The following DYNC2H1 variants were observed in gnomAD, a reference collection of about 807,000 sequenced individuals.
DYNC2H1 encodes cytoplasmic dynein 2 heavy chain 1.
DYNC2H1 carries 410 observed loss-of-function variants against 570.0 expected under a neutral mutation model. That is an observed-to-expected ratio of 0.72 (90% CI 0.66 to 0.78). The LOEUF is 0.78. DYNC2H1 is among the 30% of genes least tolerant of loss of function. The probability of loss-of-function intolerance (pLI) is 0.00; values close to 1 mark genes in which losing one functional copy is unlikely to be tolerated. For synonymous variants in DYNC2H1, 1,688 were observed against 1,677.6 expected, an observed-to-expected ratio of 1.01 and a Z score of -0.15; for missense variants, 4,865 against 5,046.4, an observed-to-expected ratio of 0.96 and a Z score of 1.09.
In DYNC2H1 at chr11:103,311,879, C is replaced by T; in HGVS notation, c.11495C>T (p.Ser3832Leu). ...LQSSLKITYESPPGLKKNLMR... is the reference protein window; with the variant it reads ...LQSSLKITYELPPGLKKNLMR... ...GATGTCTGTTGATTTTTTTTCTAGTCACCTCCAGGTTTAAAGAAGAATTTA... is the reference window on the plus strand; with the variant it reads ...GATGTCTGTTGATTTTTTTTCTAGTTACCTCCAGGTTTAAAGAAGAATTTA... Residue 3832 changes from serine (S) to leucine (L), a missense_variant and splice_region_variant, in exon 79 of 89, where the codon TCA (serine) becomes TTA (leucine). Coordinates refer to ENST00000375735, the MANE Select transcript of DYNC2H1 (RefSeq NM_001377.3). 6.3e-7 allele frequency: 1 copy of T among 1,597,998 alleles called. No homozygotes were observed. Among genetic ancestry groups the T allele is most frequent in the Non-Finnish European group, 8.5e-7 (1 of 1,173,910 alleles).
chr11:103,176,304 G>A lies in DYNC2H1; in HGVS notation c.5744G>A (p.Cys1915Tyr). Reference sequence around the variant, plus strand: ...ATGTCAAAGTTTACGTTTACTGATTGCACCCGGTTTGATGCACTGATAAAA... The same window carrying A: ...ATGTCAAAGTTTACGTTTACTGATTACACCCGGTTTGATGCACTGATAAAA... ...NTMSKFTFTD[C>Y]TRFDALIKDV... The change falls in exon 37 of 89, where the codon TGC becomes TAC. Residue 1915 changes from cysteine to tyrosine, a missense_variant. Physicochemically the swap from Cys to Tyr is radical, Grantham distance 194 (BLOSUM62 -2). Around this residue, in one of 5 missense-constraint regions of DYNC2H1, gnomAD observed 292 missense variants for 300.2 expected, o/e 0.97. Coordinates refer to ENST00000375735, the MANE Select transcript of DYNC2H1 (RefSeq NM_001377.3). The A allele has an allele frequency of 6.4e-7, 1 of 1,553,154 alleles. No homozygotes were observed. Among genetic ancestry groups the A allele is most frequent in the Non-Finnish European group, 8.7e-7 (1 of 1,148,438 alleles).
intron 77 of DYNC2H1, 46 bp downstream of exon 77, chr11:103,304,766 A>C (rs776648070): frequency 1.3e-6 from 2 of 1,571,278 alleles, no homozygotes; most frequent in Non-Finnish European, 1.7e-6. Context: ...TACTCAACTT[A>C]GCAATCTCCA....
At chr11:103,168,629 C>T in intron 31 of DYNC2H1, 126 bp from the exon 32 acceptor site, 1 of 969,972 alleles carries the variant, frequency 1.0e-6, no homozygotes, top group South Asian at 1.6e-5. Context: ...TATTACTATA[C>T]CATTCATATG....
At chr11:103,232,000 A>G (rs993008446) in intron 60 of DYNC2H1, among the ~76,000 whole-genome samples, 5 of 152,028 alleles carry the variant, frequency 3.3e-5, no homozygotes, top group African/African-American at 1.2e-4. Context: ...CAGTGTTTTC[A>G]ATATTCCTGA....
At position 103,211,897 on chromosome 11, in the gene DYNC2H1, G is replaced by A. The variant is rs543409184; in HGVS notation, c.8648G>A (p.Ser2883Asn). 2 of 1,534,834 alleles carry A rather than the reference G, an allele frequency of 1.3e-6. No individual in the cohort carries two copies. Among genetic ancestry groups the A allele is most frequent in the South Asian group, 1.3e-5 (1 of 78,724 alleles). ...MTFLHVYSAI[S>N]SSKKKELLKR... ...TTTTTACATGTGTATTCTGCCATTA[G>A]TAGTAGCAAGAAAAAGGAATTATTA... is the stretch of plus-strand genomic sequence containing the variant. The change falls in exon 54 of 89, where the codon AGT (serine) becomes AAT (asparagine). Residue 2883 changes from serine (S) to asparagine (N), a missense_variant. Physicochemically the swap from Ser to Asn is conservative, Grantham distance 46. This residue lies in a region of DYNC2H1 where 2,401 missense variants were observed against 2,454.6 expected (regional missense o/e 0.98). Coordinates refer to ENST00000375735, the MANE Select transcript of DYNC2H1 (RefSeq NM_001377.3).
rs764619637 is a variant in DYNC2H1, at chr11:103,179,027, T to C, written c.6141T>C (p.Asp2047=). The C allele has an allele frequency of 6.2e-7, 1 of 1,603,242 alleles. No individual in the cohort carries two copies. Among genetic ancestry groups the C allele is most frequent in the Non-Finnish European group, 8.5e-7 (1 of 1,172,546 alleles). ...TCCACTGTTTTGATTTGAAAATAGATGTCAGCTCATGGATAATCTGTGATG... is the reference window on the plus strand; with the variant it reads ...TCCACTGTTTTGATTTGAAAATAGACGTCAGCTCATGGATAATCTGTGATG... The part of the protein sequence containing the change: ...SARQVVREPQ[D]VSSWIICDGD... Residue 2047 remains aspartate (D), a splice_region_variant and synonymous_variant, in exon 39 of 89, where the codon GAT becomes GAC. Coordinates refer to ENST00000375735, the MANE Select transcript of DYNC2H1 (RefSeq NM_001377.3).
intron 83 of DYNC2H1, among the ~76,000 whole-genome samples, chr11:103,364,601 T>TG (rs1229108864): frequency 2.4e-5 from 3 of 122,570 alleles, no homozygotes; most frequent in South Asian, 2.7e-4. Context: ...ATCTTGTTGT[T>TG]TTTTTTTTTT....
Position 103,189,520 on chromosome 11 carries a change from A to G in DYNC2H1, c.7293-152A>G, listed in dbSNP as rs1862210816. On this transcript the variant is annotated intron_variant, in intron 44 of 88. Transcript: ENST00000375735. The surrounding 1 kb of genome is among the most constrained non-coding windows in gnomAD (Gnocchi z 4.3). ...GTTGAAATGAGAATGGATCGGGGCG[A>G]TGAGCCTAGTCTTAGCCCCCTGGGT... Among the ~76,000 whole-genome samples, 1 of 152,148 alleles carries G rather than the reference A, an allele frequency of 6.6e-6. No individual in the cohort carries two copies. Among genetic ancestry groups the G allele is most frequent in the African/African-American group, 2.4e-5 (1 of 41,448 alleles).
At chr11:103,391,654 G>T (rs1404646363) in intron 83 of DYNC2H1, among the ~76,000 whole-genome samples, 1 of 152,182 alleles carries the variant, frequency 6.6e-6, no homozygotes, top group African/African-American at 2.4e-5. Flanking sequence ...TTTGATGATG[G>T]TGATGTACAG....
Position 103,318,969 on chromosome 11 carries a change from A to AT in DYNC2H1, c.11726-2050dup, listed in dbSNP as rs1251055369. Among the ~76,000 whole-genome samples the AT allele has an allele frequency of 1.7e-3, 255 of 149,742 alleles. 2 individuals are homozygous for AT. Among genetic ancestry groups the AT allele is most frequent in the African/African-American group, 5.2e-3 (212 of 40,990 alleles). On this transcript the variant is annotated intron_variant, in intron 80 of 88. Transcript: ENST00000375735. Reference sequence around the variant, plus strand: ...CTGTTGTTTTTAATATTTGACACAGATTTTTTTTTTGGAGGATATAAACTA... The same window carrying AT: ...CTGTTGTTTTTAATATTTGACACAGATTTTTTTTTTTGGAGGATATAAACTA...
At chr11:103,182,723 AT>A (rs1183252353) in intron 40 of DYNC2H1, among the ~76,000 whole-genome samples, 19 of 152,086 alleles carry the variant, frequency 1.2e-4, no homozygotes, top group Admixed American at 1.1e-3. Flanking sequence ...TTTATGAAAA[AT>A]GAAAACATAT....
chr11:103,345,536 T>C (rs998847787), intron 82 of DYNC2H1, among the ~76,000 whole-genome samples: 4 of 152,214 alleles, frequency 2.6e-5, no homozygotes, highest in Non-Finnish European at 5.9e-5. Context: ...GGTACTTCAT[T>C]GTGATCTTGA....
In DYNC2H1 at chr11:103,300,254, TA is replaced by T. The variant is rs1383248507; in HGVS notation, c.11096-2836del. 1.6e-4 allele frequency among the ~76,000 whole-genome samples: 24 copies of T among 152,090 alleles called. No individual in the cohort carries two copies. The East Asian group carries it at 4.4e-3, about 28-fold the overall frequency. Reference sequence around the variant, plus strand: ...TGTATTTGCATAAAATAAAAAACAATAAAGGTTTCAGTTATTCGTTTGTCTT... The same window carrying T: ...TGTATTTGCATAAAATAAAAAACAATAAGGTTTCAGTTATTCGTTTGTCTT... On this transcript the variant is annotated intron_variant, in intron 75 of 88. Transcript: ENST00000375735.
chr11:103,345,949 G>T (rs1355609624), intron 82 of DYNC2H1, among the ~76,000 whole-genome samples: 1 of 152,076 alleles, frequency 6.6e-6, no homozygotes, highest in South Asian at 2.1e-4. Flanking sequence ...TTTTGTATAA[G>T]AGCTACGTAT....
At chr11:103,142,535 G>A (rs1331579944) in intron 17 of DYNC2H1, among the ~76,000 whole-genome samples, 1 of 152,038 alleles carries the variant, frequency 6.6e-6, no homozygotes, top group Non-Finnish European at 1.5e-5. Flanking sequence ...TGGGCATGGT[G>A]GTGGTCACCT....
intron 2 of DYNC2H1, 33 bp from the exon 3 acceptor site, chr11:103,114,070 C>G (rs114066525): frequency 6.3e-7 from 1 of 1,597,198 alleles, no homozygotes; most frequent in African/African-American, 1.3e-5. Context: ...AAATTTTGAT[C>G]AATCTTGGTT....
chr11:103,155,525 C>T, intron 25 of DYNC2H1, 24 bp downstream of exon 25: 1 of 1,586,160 alleles, frequency 6.3e-7, no homozygotes, highest in Non-Finnish European at 8.5e-7. Flanking sequence ...TTATAAATAT[C>T]CCATAAGTCT....
chr11:103,338,158 A>G (rs1939248588), intron 82 of DYNC2H1, among the ~76,000 whole-genome samples: 1 of 143,880 alleles, frequency 7.0e-6, no homozygotes, highest in African/African-American at 2.5e-5. Context: ...TGTTCTTGGC[A>G]CTTATTGAAG....
intron 85 of DYNC2H1, among the ~76,000 whole-genome samples, chr11:103,437,889 C>G (rs1376533661): frequency 6.6e-6 from 1 of 151,964 alleles, no homozygotes; most frequent in Non-Finnish European, 1.5e-5. Context: ...ATCAGTGGTA[C>G]TATAATTAAT....
Sources: allele counts gnomAD v4.1 joint callset (sites outside exome capture counted in the v4.1 genomes callset), GRCh38; gene constraint gnomAD v4.1.1; regional missense constraint gnomAD v4.1.1; non-coding constraint Gnocchi (gnomAD v3.1); transcripts MANE v1.5; gene names NCBI Gene and HGNC (gene_info 2026-07-23, HGNC 2026-07-21).